CFAP221: variants seen among roughly 807,000 people sequenced by gnomAD.
The protein encoded by CFAP221 is cilia and flagella associated protein 221, also known as cilia- and flagella-associated protein 221.
Under a neutral mutation model 113.1 loss-of-function variants are expected in CFAP221, and 97 were observed. That is an observed-to-expected ratio of 0.86 (90% CI 0.73 to 1.02). The LOEUF is 1.02. Ranked by LOEUF, CFAP221 falls within the 50% of genes least tolerant of loss-of-function variation. The pLI, the probability that CFAP221 is intolerant of heterozygous loss-of-function variation, is 0.00. For synonymous variants in CFAP221, 331 were observed against 354.4 expected, an observed-to-expected ratio of 0.93 and a Z score of 0.74; for missense variants, 1,025 against 1,013.4, an observed-to-expected ratio of 1.01 and a Z score of -0.16.
chr2:119,575,289 C>T (rs901813368), intron 6 of CFAP221, among the ~76,000 whole-genome samples: 5 of 152,128 alleles, frequency 3.3e-5, no homozygotes, highest in African/African-American at 9.7e-5. Context: ...CCATGGCTTT[C>T]GCTCCTGATG....
chr2:119,577,780 T>C (rs1682556284), intron 6 of CFAP221, among the ~76,000 whole-genome samples: 2 of 152,210 alleles, frequency 1.3e-5, no homozygotes, highest in Admixed American at 6.5e-5. Flanking sequence ...TAAGATGGCA[T>C]CCAGAAATGG....
chr2:119,586,867 G>A (rs1277927417), intron 6 of CFAP221: 3 of 348,726 alleles, frequency 8.6e-6, no homozygotes, highest in Non-Finnish European at 1.5e-5. Context: ...CACCTTGTGT[G>A]GAACACTTAC....
At chr2:119,551,539 G>A (rs1464979001) in intron 3 of CFAP221, among the ~76,000 whole-genome samples, 1 of 152,148 alleles carries the variant, frequency 6.6e-6, no homozygotes, top group East Asian at 1.9e-4. Flanking sequence ...AATGGTCTTG[G>A]CCCTCTTGCT....
chr2:119,605,293 A>G lies in CFAP221; in HGVS notation c.1133+4A>G. 1 of 1,595,520 alleles carries G rather than the reference A, an allele frequency of 6.3e-7. No homozygotes were observed. The highest frequency in any genetic ancestry group is 8.6e-7 in the Non-Finnish European group (1 of 1,163,224). On this transcript the variant is annotated splice_donor_region_variant and intron_variant, in intron 11 of 23. Transcript: ENST00000413369. ...AGATGGAAAATCATCTTAAGTGGTA[A>G]ATATTGAGCAATTGTTTGTATCAAG... is the stretch of plus-strand genomic sequence containing the variant.
At chr2:119,566,546 A>T (rs952301377) in intron 6 of CFAP221, among the ~76,000 whole-genome samples, 2 of 151,836 alleles carry the variant, frequency 1.3e-5, no homozygotes, top group Non-Finnish European at 2.9e-5. Flanking sequence ...TCTCTGCCTT[A>T]GCATGAGTAC....
At chr2:119,552,959 TC>T (rs1372899451) in intron 3 of CFAP221, among the ~76,000 whole-genome samples, 1 of 152,198 alleles carries the variant, frequency 6.6e-6, no homozygotes, top group Admixed American at 6.5e-5. Flanking sequence ...AGGATTTTCT[TC>T]TGTTTAATTT....
chr2:119,568,224 A>G lies in CFAP221; in HGVS notation c.527+6110A>G, dbSNP rs888394494. Among the ~76,000 whole-genome samples, 3 of 152,374 alleles carry G rather than the reference A, an allele frequency of 2.0e-5. No homozygotes were observed. The South Asian group carries it at 6.2e-4, about 32-fold the overall frequency. On this transcript the variant is annotated intron_variant, in intron 6 of 23. Transcript: ENST00000413369. ...ACACATAATTGAAGTCATTGTTGCT[A>G]TTATCCTGAACAAACTGTTAGCTGT...
chr2:119,626,708 A>T (rs775052643), intron 15 of CFAP221, among the ~76,000 whole-genome samples: 6 of 152,234 alleles, frequency 3.9e-5, no homozygotes, highest in Non-Finnish European at 8.8e-5. Flanking sequence ...CCAAGGTGGG[A>T]GGATCACTTG....
chr2:119,548,868 A>T (rs997631049), intron 2 of CFAP221, among the ~76,000 whole-genome samples: 1 of 152,210 alleles, frequency 6.6e-6, no homozygotes, highest in Non-Finnish European at 1.5e-5. Context: ...TATTGTAATG[A>T]TAGTATCTCC....
intron 3 of CFAP221, among the ~76,000 whole-genome samples, chr2:119,553,667 G>C (rs764749750): frequency 2.6e-5 from 4 of 152,294 alleles, no homozygotes; most frequent in African/African-American, 4.8e-5. Context: ...CCAAGAATCA[G>C]TTTTCACTTC....
At chr2:119,592,689 C>T (rs956799738) in intron 7 of CFAP221, among the ~76,000 whole-genome samples, 4 of 152,220 alleles carry the variant, frequency 2.6e-5, no homozygotes, top group Admixed American at 6.5e-5. Flanking sequence ...TGCATGCCTC[C>T]ATGCTCGCAT....
intron 6 of CFAP221, among the ~76,000 whole-genome samples, chr2:119,562,487 T>TA (rs1460787390): frequency 6.6e-6 from 1 of 152,102 alleles, no homozygotes; most frequent in African/African-American, 2.4e-5. Context: ...CAGCCTCCAG[T>TA]AGCTCCAGAC....
chr2:119,588,209 A>G (rs1279836910), intron 7 of CFAP221, among the ~76,000 whole-genome samples: 3 of 152,162 alleles, frequency 2.0e-5, no homozygotes, highest in African/African-American at 4.8e-5. Context: ...CCATAATTCT[A>G]TTAAGTTCCA....
chr2:119,627,835 T>A, intron 16 of CFAP221, 49 bp downstream of exon 16: 1 of 1,605,984 alleles, frequency 6.2e-7, no homozygotes, highest in Non-Finnish European at 8.5e-7. Flanking sequence ...ATCATGATCG[T>A]GTTGGGCAGA....
At chr2:119,551,514 A>AT (rs921672010) in intron 3 of CFAP221, among the ~76,000 whole-genome samples, 6 of 152,118 alleles carry the variant, frequency 3.9e-5, no homozygotes, top group African/African-American at 1.2e-4. Flanking sequence ...TGAAAGGACT[A>AT]TTTTTTCCCC....
intron 7 of CFAP221, 127 bp downstream of exon 7, chr2:119,587,349 G>T (rs1432491309): frequency 1.9e-6 from 1 of 533,318 alleles, no homozygotes; most frequent in African/African-American, 2.0e-5. Flanking sequence ...AATTGGACAC[G>T]TCAGAATAAC....
intron 19 of CFAP221, among the ~76,000 whole-genome samples, chr2:119,633,773 A>G (rs1686940620): frequency 6.6e-6 from 1 of 152,250 alleles, no homozygotes; most frequent in South Asian, 2.1e-4. Flanking sequence ...ACAATGAGAT[A>G]TTACCTAACA....
chr2:119,559,885 G>T (rs1003429138), intron 4 of CFAP221, 43 bp from the exon 5 acceptor site: 2 of 1,500,446 alleles, frequency 1.3e-6, no homozygotes, highest in African/African-American at 2.8e-5. Flanking sequence ...TGCTCTCTGT[G>T]CAGTCCGGGG....
At chr2:119,610,660 A>G (rs1324245183) in intron 12 of CFAP221, among the ~76,000 whole-genome samples, 1 of 152,214 alleles carries the variant, frequency 6.6e-6, no homozygotes, top group African/African-American at 2.4e-5. Flanking sequence ...TGTGCCAATC[A>G]GAGCTAGGCA....
Sources: gnomAD v4.1 joint callset for allele counts (sites outside exome capture counted in the v4.1 genomes callset) on GRCh38, gnomAD v4.1.1 for gene constraint, MANE v1.5 for transcripts, NCBI Gene and HGNC (gene_info 2026-07-23, HGNC 2026-07-21) for gene names.